The following TRIM17 variants were observed in gnomAD, a reference collection of about 807,000 sequenced individuals.
TRIM17 encodes tripartite motif containing 17, also known as E3 ubiquitin-protein ligase TRIM17.
TRIM17 carries 27 observed loss-of-function variants against 35.8 expected under a neutral mutation model. That is an observed-to-expected ratio of 0.75 (90% CI 0.56 to 1.04). TRIM17 has a LOEUF of 1.04. TRIM17 is among the 50% of genes least tolerant of loss of function. The probability of loss-of-function intolerance (pLI) is 0.00; values close to 1 mark genes in which losing one functional copy is unlikely to be tolerated. For missense variants in TRIM17, 582 were observed against 612.8 expected, an observed-to-expected ratio of 0.95 and a Z score of 0.53; for synonymous variants, 246 against 252.6, an observed-to-expected ratio of 0.97 and a Z score of 0.25.
rs1281243337 is a variant in TRIM17 at position 228,410,235 on chromosome 1, C to T, written c.756+711G>A. 6.6e-6 allele frequency among the ~76,000 whole-genome samples: 1 copy of T among 151,970 alleles called. No individual in the cohort carries two copies. Among genetic ancestry groups the T allele is most frequent in the African/African-American group, 2.4e-5 (1 of 41,370 alleles). On this transcript the variant is annotated intron_variant, in intron 4 of 6. Transcript: ENST00000366698. This position sits in a 1 kb window ranked among gnomAD's most constrained non-coding sequence, Gnocchi z 4.6. ...CTCAGCCTCCTGAGTCCTGGGACCA[C>T]AGGCGCACGCCACCATGCCCTGCTA...
chr1:228,410,029 A>G lies in TRIM17; in HGVS notation c.757-618T>C, dbSNP rs1472266467. The stretch of plus-strand genomic sequence containing the variant: ...ATAGGAGCACCCTTCTACCAGCTGC[A>G]GGGGCTTTTCCCTCAGTTGGTCAGC... On this transcript the variant is annotated intron_variant, in intron 4 of 6. Coordinates refer to ENST00000366698, the MANE Select transcript of TRIM17 (RefSeq NM_016102.4). This position sits in a 1 kb window ranked among gnomAD's most constrained non-coding sequence, Gnocchi z 4.6. 1.3e-5 allele frequency among the ~76,000 whole-genome samples: 2 copies of G among 151,842 alleles called. No homozygotes were observed. Among genetic ancestry groups the G allele is most frequent in the African/African-American group, 4.8e-5 (2 of 41,332 alleles).
At chr1:228,412,218 C>A (rs1376558802) in intron 3 of TRIM17, among the ~76,000 whole-genome samples, 1 of 152,102 alleles carries the variant, frequency 6.6e-6, no homozygotes, top group African/African-American at 2.4e-5. Context: ...TTCAAGTGGA[C>A]CTGTCCCAGT....
chr1:228,416,722 G>GGGGGGGGGGGGGGGGGGGGC lies in TRIM17; in HGVS notation c.-226_-225insGCCCCCCCCCCCCCCCCCCC. The GGGGGGGGGGGGGGGGGGGGC allele has an allele frequency of 1.4e-5, 8 of 568,030 alleles. No homozygotes were observed. Among genetic ancestry groups the GGGGGGGGGGGGGGGGGGGGC allele is most frequent in the Non-Finnish European group, 1.5e-5 (7 of 453,520 alleles). The allele number at this position is 568,030 out of a possible 1,614,324, so 35.2% of individuals were successfully genotyped here. On this transcript the variant is annotated 5_prime_UTR_variant, in exon 1 of 7. Coordinates refer to ENST00000366698, the MANE Select transcript of TRIM17 (RefSeq NM_016102.4). Reference sequence around the variant, plus strand: ...GGGGCTGGGGGGCGGCGGGGGAGGGGAATGCTGGGCGAGGGAGTGTTCGGC... The same window carrying GGGGGGGGGGGGGGGGGGGGC: ...GGGGCTGGGGGGCGGCGGGGGAGGGGGGGGGGGGGGGGGGGGGGGCAATGCTGGGCGAGGGAGTGTTCGGC...
intron 4 of TRIM17, chr1:228,409,715 A>C (rs1574095251): frequency 1.1e-5 from 3 of 261,346 alleles, no homozygotes; most frequent in Non-Finnish European, 1.4e-5. Flanking sequence ...CTCAACACTG[A>C]CCCTCCTCTC....
At chr1:228,413,683 C>CT in intron 3 of TRIM17, 114 bp downstream of exon 3, 2 of 829,402 alleles carry the variant, frequency 2.4e-6, no homozygotes, top group Non-Finnish European at 3.9e-6. Flanking sequence ...GTAGAGGCAA[C>CT]TTTCTTCTTT....
At chr1:228,413,445 C>A (rs374811725) in intron 3 of TRIM17, among the ~76,000 whole-genome samples, 1 of 151,470 alleles carries the variant, frequency 6.6e-6, no homozygotes, top group African/African-American at 2.4e-5. Flanking sequence ...ATTGAGCCCC[C>A]ACCTTCTGGC....
chr1:228,415,324 C>T (rs374389959), intron 1 of TRIM17: 1 of 487,064 alleles, frequency 2.1e-6, no homozygotes, highest in Non-Finnish European at 3.6e-6. Context: ...GCCCCTCCGC[C>T]TCTCCTCTCC....
chr1:228,416,375 C>CG (rs1280389671), intron 1 of TRIM17, 164 bp downstream of exon 1: 1 of 985,452 alleles, frequency 1.0e-6, no homozygotes, highest in Admixed American at 6.1e-5. Context: ...GCTAGGGTCC[C>CG]GGTAGAGTTA....
chr1:228,416,443 C>G, intron 1 of TRIM17, 96 bp downstream of exon 1: 1 of 986,902 alleles, frequency 1.0e-6, no homozygotes. Context: ...GGCGGGAAGG[C>G]CGGGCGTTGG....
At position 228,416,732 on chromosome 1, in the gene TRIM17, C is replaced by A; in HGVS notation, c.-235G>T. 1 of 969,664 alleles carries A rather than the reference C, an allele frequency of 1.0e-6. No homozygotes were observed. The highest frequency in any genetic ancestry group is 4.8e-5 in the South Asian group (1 of 20,692). The allele number at this position is 969,664 out of a possible 1,614,324, so 60.1% of individuals were successfully genotyped here. A position where few individuals can be genotyped will look rare whatever the true frequency, so the allele number is the denominator to read the frequency against. ...GGCGGCGGGGGAGGGGAATGCTGGG[C>A]GAGGGAGTGTTCGGCGGCCGGGACT... On this transcript the variant is annotated 5_prime_UTR_variant, in exon 1 of 7. Transcript: ENST00000366698.
intron 1 of TRIM17, 101 bp downstream of exon 1, chr1:228,416,438 G>T: frequency 2.0e-6 from 2 of 987,008 alleles, no homozygotes; most frequent in Non-Finnish European, 2.4e-6. Context: ...GCGGAGGCGG[G>T]AAGGCCGGGC....
Position 228,410,986 on chromosome 1 carries a change from A to AGCT in TRIM17, c.713_715dup (p.Gln238dup). 1 of 1,604,298 alleles carries AGCT rather than the reference A, an allele frequency of 6.2e-7. No individual in the cohort carries two copies. The highest frequency in any genetic ancestry group is 2.2e-5 in the East Asian group (1 of 44,676). On this transcript the variant is annotated inframe_insertion, in exon 4 of 7. Transcript: ENST00000366698. The surrounding 1 kb of genome is among the most constrained non-coding windows in gnomAD (Gnocchi z 4.6). ...GGGCCCCTGTGTGCTCCGCTCCTCC[A>AGCT]GCTGCAGCAGCAGCAGCTCCAGAGA...
chr1:228,416,722 G>GGGGGC lies in TRIM17; in HGVS notation c.-226_-225insGCCCC. ...GGGGCTGGGGGGCGGCGGGGGAGGG[G>GGGGGC]AATGCTGGGCGAGGGAGTGTTCGGC... On this transcript the variant is annotated 5_prime_UTR_variant, in exon 1 of 7. Transcript: ENST00000366698. 6 of 568,092 alleles carry GGGGGC rather than the reference G, an allele frequency of 1.1e-5. No individual in the cohort carries two copies. Among genetic ancestry groups the GGGGGC allele is most frequent in the Non-Finnish European group, 1.1e-5 (5 of 453,578 alleles). The allele number at this position is 568,092 out of a possible 1,614,324, so 35.2% of individuals were successfully genotyped here. A position where few individuals can be genotyped will look rare whatever the true frequency, so the allele number is the denominator to read the frequency against.
chr1:228,414,788 C>G lies in TRIM17; in HGVS notation c.285G>C (p.Lys95Asn). ...EMAQQHPGLQ[K>N]QDLCQEHHEP... ...CGTGGTGCTCCTGGCACAGGTCTTG[C>G]TTCTGCAGACCAGGATGCTGCTGCG... Residue 95 changes from lysine (K) to asparagine (N), a missense_variant, in exon 2 of 7, where the codon AAG becomes AAC. By Grantham distance (94) the Lys-to-Asn change is moderately conservative. Coordinates refer to ENST00000366698, the MANE Select transcript of TRIM17 (RefSeq NM_016102.4). 1 of 1,613,324 alleles carries G rather than the reference C, an allele frequency of 6.2e-7. No individual in the cohort carries two copies. The highest frequency in any genetic ancestry group is 1.1e-5 in the South Asian group (1 of 91,056).
Position 228,408,252 on chromosome 1 carries a change from C to T in TRIM17, c.1383G>A (p.Pro461=), listed in dbSNP as rs61737802. ...TGGAGATGACCATCTGACCAGACTT[C>T]GGAGCCCCCAGGCAGAAGAAAGGCT... ...PLQPFFCLGA[P]KSGQMVISTV... is the part of the protein sequence containing the mutation. The change falls in exon 7 of 7, where the codon CCG becomes CCA. Residue 461 remains proline (P), a synonymous_variant. Coordinates refer to ENST00000366698, the MANE Select transcript of TRIM17 (RefSeq NM_016102.4). The surrounding 1 kb of genome is among the most constrained non-coding windows in gnomAD (Gnocchi z 6.3). The T allele has an allele frequency of 4.4e-3, 6,849 of 1,569,268 alleles. 160 individuals carry two copies. In the African/African-American group the frequency reaches 0.06, roughly 14 times the overall value.
rs1441139462 is a variant in TRIM17 at position 228,411,553 on chromosome 1, T to C, written c.526-377A>G. On this transcript the variant is annotated intron_variant, in intron 3 of 6. Transcript: ENST00000366698. The surrounding 1 kb of genome is among the most constrained non-coding windows in gnomAD (Gnocchi z 4.2). ...CCAGGCTGGAATGCAGTGGCACTTA[T>C]TGCAACCTTGACCTCCTGGGCTCAA... is the stretch of plus-strand genomic sequence containing the variant. Among the ~76,000 whole-genome samples, 1 of 151,864 alleles carries C rather than the reference T, an allele frequency of 6.6e-6. No homozygotes were observed. Among genetic ancestry groups the C allele is most frequent in the Non-Finnish European group, 1.5e-5 (1 of 67,958 alleles).
chr1:228,411,118 T>C lies in TRIM17; in HGVS notation c.584A>G (p.Tyr195Cys), dbSNP rs773143280. The change falls in exon 4 of 7, where the codon TAC becomes TGC. Residue 195 changes from tyrosine to cysteine, a missense_variant. Tyr to Cys is a radical substitution (Grantham distance 194, BLOSUM62 -2). Transcript: ENST00000366698. The surrounding 1 kb of genome is among the most constrained non-coding windows in gnomAD (Gnocchi z 4.2). ...GAGCCTCTGCTCTTCTTCCACCAGG[T>C]AGAGGTTCATCTTCTCAAACTCCAG... ...IVLEFEKMNLYLVEEEQRLLQ... is the reference protein window; with the variant it reads ...IVLEFEKMNLCLVEEEQRLLQ... 2 of 1,614,094 alleles carry C rather than the reference T, an allele frequency of 1.2e-6. No individual in the cohort carries two copies. Among genetic ancestry groups the C allele is most frequent in the South Asian group, 1.1e-5 (1 of 91,082 alleles).
Position 228,413,931 on chromosome 1 carries a change from T to TC in TRIM17, c.430-40dup, listed in dbSNP as rs1326134432. On this transcript the variant is annotated intron_variant, in intron 2 of 6. Coordinates refer to ENST00000366698, the MANE Select transcript of TRIM17 (RefSeq NM_016102.4). Reference sequence around the variant, plus strand: ...AAACCGCAGGATTTGGGATCAGCGATCCCCCTACCTCCTGCCTAGAGTCCA... The same window carrying TC: ...AAACCGCAGGATTTGGGATCAGCGATCCCCCCTACCTCCTGCCTAGAGTCCA... The TC allele has an allele frequency of 3.2e-6, 5 of 1,550,246 alleles. No homozygotes were observed. The East Asian group carries it at 1.1e-4, about 35-fold the overall frequency.
At chr1:228,415,955 A>G (rs1396820407) in intron 1 of TRIM17, 2 of 152,286 alleles carry the variant, frequency 1.3e-5, no homozygotes, top group Non-Finnish European at 2.9e-5. Flanking sequence ...GCGCGCACAC[A>G]CGCACAGGCA....
Sources: allele counts gnomAD v4.1 joint callset (sites outside exome capture counted in the v4.1 genomes callset), GRCh38; gene constraint gnomAD v4.1.1; non-coding constraint Gnocchi (gnomAD v3.1); transcripts MANE v1.5; gene names NCBI Gene and HGNC (gene_info 2026-07-23, HGNC 2026-07-21).